Variants in ANAPC5 observed in about 807,000 individuals in gnomAD.
The protein encoded by ANAPC5 is anaphase-promoting complex subunit 5.
Under a neutral mutation model 91.3 loss-of-function variants are expected in ANAPC5, and 60 were observed. The observed-to-expected ratio is 0.66, with a 90% CI of 0.53 to 0.81. The LOEUF (loss-of-function observed/expected upper bound fraction) is 0.81, where lower values mean the gene tolerates loss of function less well. ANAPC5 is among the 40% of genes least tolerant of loss of function. ANAPC5 has a pLI of 0.00. For missense variants in ANAPC5, 690 were observed against 931.5 expected (o/e 0.74, Z 3.37); for synonymous variants, 340 against 364.1 (o/e 0.93, Z 0.75).
At chr12:121,328,643 AACCCT>A in intron 9 of ANAPC5, 146 bp from the exon 10 acceptor site, 1 of 703,284 alleles carries the variant, frequency 1.4e-6, no homozygotes. Context: ...ACCTGGCCTT[AACCCT>A]GAGCCATACG....
At chr12:121,349,821 C>T (rs1360804671) in intron 1 of ANAPC5, among the ~76,000 whole-genome samples, 1 of 151,376 alleles carries the variant, frequency 6.6e-6, no homozygotes, top group Non-Finnish European at 1.5e-5. Flanking sequence ...GATTTCCTGC[C>T]TCAGCCTCCC....
chr12:121,331,235 T>A (rs1903031651), intron 8 of ANAPC5, 112 bp downstream of exon 8: 2 of 839,876 alleles, frequency 2.4e-6, no homozygotes. Flanking sequence ...ACTTGTTTCC[T>A]TTTGCTGCTG....
intron 11 of ANAPC5, chr12:121,320,673 G>GTGCAC: frequency 8.5e-6 from 3 of 352,376 alleles, no homozygotes; most frequent in Non-Finnish European, 1.6e-5. Flanking sequence ...CGCGATCTCG[G>GTGCAC]CTCATTGCAA....
At chr12:121,308,819 G>A (rs1404872397) in intron 16 of ANAPC5, 128 bp from the exon 17 acceptor site, 1 of 837,426 alleles carries the variant, frequency 1.2e-6, no homozygotes, top group East Asian at 2.6e-5. Flanking sequence ...CATTCTTTGA[G>A]AGAGAAAAAA....
chr12:121,349,324 G>T lies in ANAPC5; in HGVS notation c.208-1443C>A, dbSNP rs144692103. On this transcript the variant is annotated intron_variant, in intron 1 of 16. Coordinates refer to ENST00000261819, the MANE Select transcript of ANAPC5 (RefSeq NM_016237.5). ...GCCTGTAATGCCAGCACTTTGGGAA[G>T]CTGAGGCAGGTGGATCCCTTGAGCC... 4.7e-3 allele frequency among the ~76,000 whole-genome samples: 715 copies of T among 152,216 alleles called. 10 individuals carry two copies. The South Asian group carries it at 0.051, about 11-fold the overall frequency.
At position 121,318,505 on chromosome 12, in the gene ANAPC5, T is replaced by C; in HGVS notation, c.1741A>G (p.Ile581Val). Residue 581 changes from isoleucine (I) to valine (V), a missense_variant, in exon 14 of 17, where the codon ATC (isoleucine) becomes GTC (valine). Coordinates refer to ENST00000261819, the MANE Select transcript of ANAPC5 (RefSeq NM_016237.5). ...GATGTACAAGAGACCCCTTACCTGA[T>C]CACCATTTCTGTGTTCTTCAGTTTC... is the stretch of plus-strand genomic sequence containing the variant. ...CQKLKNTEMV[I>V]SVLLSVAELY... is the part of the protein sequence containing the mutation. The C allele has an allele frequency of 6.2e-7, 1 of 1,614,182 alleles. No homozygotes were observed. Among genetic ancestry groups the C allele is most frequent in the Non-Finnish European group, 8.5e-7 (1 of 1,180,010 alleles).
In ANAPC5 at chr12:121,331,386, G is replaced by C. The variant is rs1483289569; in HGVS notation, c.993C>G (p.Ala331=). 8 of 1,609,084 alleles carry C rather than the reference G, an allele frequency of 5.0e-6. No individual in the cohort carries two copies. The highest frequency in any genetic ancestry group is 6.8e-6 in the Non-Finnish European group (8 of 1,175,896). Reference sequence around the variant, plus strand: ...GACACACGTGATCGTTGGACTCCTGGGCAATCCTAATTGCCTCCTGCAGGG... The same window carrying C: ...GACACACGTGATCGTTGGACTCCTGCGCAATCCTAATTGCCTCCTGCAGGG... The part of the protein sequence containing the change: ...ELALQEAIRI[A]QESNDHVCLQ... The change falls in exon 8 of 17, where the codon GCC becomes GCG. Residue 331 remains alanine (A), a synonymous_variant. Coordinates refer to ENST00000261819, the MANE Select transcript of ANAPC5 (RefSeq NM_016237.5).
At chr12:121,314,713 G>A (rs1902288182) in intron 15 of ANAPC5, among the ~76,000 whole-genome samples, 1 of 151,620 alleles carries the variant, frequency 6.6e-6, no homozygotes. Flanking sequence ...CAGCTCCTGA[G>A]GACTGAGTTC....
rs1483199918 is a variant in ANAPC5 at position 121,308,579 on chromosome 12, G to A, written c.2169C>T (p.Thr723=). The part of the protein sequence containing the change: ...VVYFQARLYH[T]LGKTQERNRC... Reference sequence around the variant, plus strand: ...GGTTCCTCTCCTGGGTCTTCCCCAGGGTATGGTAGAGTCTGGCCTGGAAGT... The same window carrying A: ...GGTTCCTCTCCTGGGTCTTCCCCAGAGTATGGTAGAGTCTGGCCTGGAAGT... Residue 723 remains threonine (T), a synonymous_variant, in exon 17 of 17, where the codon ACC becomes ACT. Coordinates refer to ENST00000261819, the MANE Select transcript of ANAPC5 (RefSeq NM_016237.5). The A allele has an allele frequency of 1.2e-6, 2 of 1,614,004 alleles. No individual in the cohort carries two copies. Among genetic ancestry groups the A allele is most frequent in the Non-Finnish European group, 1.7e-6 (2 of 1,180,028 alleles).
At chr12:121,314,890 G>A (rs536868037) in intron 15 of ANAPC5, among the ~76,000 whole-genome samples, 2 of 152,204 alleles carry the variant, frequency 1.3e-5, no homozygotes, top group African/African-American at 4.8e-5. Flanking sequence ...GCCTCAAAAA[G>A]TGCTGGGATT....
chr12:121,352,848 G>C (rs1903965849), upstream of ANAPC5, among the ~76,000 whole-genome samples: 1 of 151,972 alleles, frequency 6.6e-6, no homozygotes. Context: ...TCCTGGGCTC[G>C]AGCGATCCTC....
chr12:121,330,487 T>C, intron 9 of ANAPC5, 96 bp downstream of exon 9: 1 of 979,584 alleles, frequency 1.0e-6, no homozygotes, highest in Non-Finnish European at 1.5e-6. Context: ...TGAAACCCAT[T>C]CTAAATCTAT....
At chr12:121,331,777 T>C (rs1903051373) in intron 7 of ANAPC5, 1 of 160,638 alleles carries the variant, frequency 6.2e-6, no homozygotes, top group Admixed American at 6.3e-5. Flanking sequence ...TCCTACATTA[T>C]TTGACCTTTT....
At chr12:121,331,037 C>T in intron 8 of ANAPC5, 1 of 394,278 alleles carries the variant, frequency 2.5e-6, no homozygotes, top group East Asian at 4.9e-5. Context: ...AACATCTCAC[C>T]CAGTTACTAA....
chr12:121,330,737 C>T (rs1555272814), intron 8 of ANAPC5, 65 bp from the exon 9 acceptor site: 2 of 1,302,348 alleles, frequency 1.5e-6, no homozygotes, highest in Admixed American at 1.7e-5. Context: ...AGTGAAATAT[C>T]AATGTGGTCA....
At chr12:121,316,008 CACAGA>C (rs777243352) in intron 15 of ANAPC5, among the ~76,000 whole-genome samples, 1 of 151,992 alleles carries the variant, frequency 6.6e-6, no homozygotes, top group Non-Finnish European at 1.5e-5. Context: ...AAAGACCAAA[CACAGA>C]ACAGGAGAAA....
chr12:121,320,601 T>G, intron 11 of ANAPC5, 142 bp from the exon 12 acceptor site: 1 of 586,088 alleles, frequency 1.7e-6, no homozygotes. Context: ...CTCAAATTTC[T>G]TTTCTTTCTT....
At position 121,331,492 on chromosome 12, in the gene ANAPC5, A is replaced by C. The variant is rs1458784339; in HGVS notation, c.951-64T>G. The C allele has an allele frequency of 6.4e-6, 9 of 1,398,124 alleles. No homozygotes were observed. The East Asian group carries it at 2.1e-4, about 33-fold the overall frequency. 86.6% of individuals were successfully genotyped at this position (1,398,124 alleles called of 1,614,324 possible). On this transcript the variant is annotated intron_variant, in intron 7 of 16. Transcript: ENST00000261819. ...ACAAACATGCATAAGCAACCATAGCAGGAAGTCATCTGTACACAGTCATCC... is the reference window on the plus strand; with the variant it reads ...ACAAACATGCATAAGCAACCATAGCCGGAAGTCATCTGTACACAGTCATCC...
rs373153436 is a variant in ANAPC5, at chr12:121,344,645, A to AG, written c.590+1193dup. ...GATAGGCGCTACCTCGTGGTCAGGGAGGCCCGTCTGAGGAAAGTTGAGCTG... is the reference window on the plus strand; with the variant it reads ...GATAGGCGCTACCTCGTGGTCAGGGAGGGCCCGTCTGAGGAAAGTTGAGCTG... On this transcript the variant is annotated intron_variant, in intron 4 of 16. Transcript: ENST00000261819. 5.3e-5 allele frequency among the ~76,000 whole-genome samples: 8 copies of AG among 151,982 alleles called. 1 individual carries two copies. Among genetic ancestry groups the AG allele is most frequent in the African/African-American group, 1.4e-4 (6 of 41,460 alleles).
Sources: allele counts gnomAD v4.1 joint callset (sites outside exome capture counted in the v4.1 genomes callset), GRCh38; gene constraint gnomAD v4.1.1; transcripts MANE v1.5; gene names NCBI Gene and HGNC (gene_info 2026-07-23, HGNC 2026-07-21).